MIPOL1: variants seen among roughly 807,000 people sequenced by gnomAD.
MIPOL1 encodes mirror-image polydactyly gene 1 protein.
Under a neutral mutation model 60.9 loss-of-function variants are expected in MIPOL1, and 57 were observed. The ratio of observed to expected loss-of-function variants is 0.94; its 90% CI spans 0.76 to 1.17. The LOEUF is 1.17. Among genes scored for constraint, MIPOL1 ranks in the 50% most tolerant of loss-of-function variants. MIPOL1 has a pLI of 0.00. For missense variants in MIPOL1, 551 were observed against 511.6 expected, an observed-to-expected ratio of 1.08 and a Z score of -0.74; for synonymous variants, 179 against 168.8, an observed-to-expected ratio of 1.06 and a Z score of -0.47.
chr14:37,418,551 AC>A (rs2093812288), intron 10 of MIPOL1, among the ~76,000 whole-genome samples: 1 of 152,094 alleles, frequency 6.6e-6, no homozygotes, highest in Non-Finnish European at 1.5e-5. Flanking sequence ...CCATTATGTC[AC>A]CTGGAATTAT....
intron 11 of MIPOL1, among the ~76,000 whole-genome samples, chr14:37,425,424 A>T (rs2093944646): frequency 6.6e-6 from 1 of 152,162 alleles, no homozygotes; most frequent in Non-Finnish European, 1.5e-5. Context: ...ATCTCTTCTA[A>T]ATAGAGATTA....
chr14:37,335,081 A>C (rs534770248), intron 9 of MIPOL1, among the ~76,000 whole-genome samples: 3 of 152,066 alleles, frequency 2.0e-5, no homozygotes, highest in African/African-American at 7.2e-5. Context: ...TTGAACTACC[A>C]AACTGTTTTC....
At chr14:37,442,088 T>TTGTG (rs3985271) in intron 11 of MIPOL1, among the ~76,000 whole-genome samples, 2,702 of 143,766 alleles carry the variant, frequency 0.019, 71 homozygotes, top group East Asian at 0.13. Context: ...TTCTACTTTG[T>TTGTG]TGTGTGTGTG....
chr14:37,392,398 GGACT>G (rs1436171190), intron 10 of MIPOL1, among the ~76,000 whole-genome samples: 1 of 152,048 alleles, frequency 6.6e-6, no homozygotes, highest in Non-Finnish European at 1.5e-5. Flanking sequence ...CAGCTTTGAT[GGACT>G]GACTTACTAG....
intron 7 of MIPOL1, among the ~76,000 whole-genome samples, chr14:37,298,939 CA>C (rs1346239801): frequency 1.3e-5 from 2 of 150,644 alleles, no homozygotes; most frequent in African/African-American, 4.9e-5. Flanking sequence ...CCAGCCATCC[CA>C]TTACTGGGTA....
At chr14:37,491,897 T>A (rs1190280016) in intron 11 of MIPOL1, among the ~76,000 whole-genome samples, 1 of 152,210 alleles carries the variant, frequency 6.6e-6, no homozygotes, top group Non-Finnish European at 1.5e-5. Context: ...CACACTCTTA[T>A]CCATTCTGAA....
At chr14:37,430,232 T>G (rs770802361) in intron 11 of MIPOL1, among the ~76,000 whole-genome samples, 19 of 152,194 alleles carry the variant, frequency 1.2e-4, no homozygotes, top group Admixed American at 1.2e-3. Context: ...GTAGACAAGT[T>G]TCAACTTTGC....
At chr14:37,419,117 G>A (rs1442284995) in intron 10 of MIPOL1, among the ~76,000 whole-genome samples, 1 of 152,048 alleles carries the variant, frequency 6.6e-6, no homozygotes, top group Non-Finnish European at 1.5e-5. Flanking sequence ...ACAGGTAAGT[G>A]GATGTACAGA....
At chr14:37,213,138 C>T (rs1403318207) in intron 1 of MIPOL1, among the ~76,000 whole-genome samples, 1 of 152,120 alleles carries the variant, frequency 6.6e-6, no homozygotes. Flanking sequence ...ACAATAAATA[C>T]CTAACTCTTC....
chr14:37,494,545 G>A (rs149297232), intron 11 of MIPOL1, among the ~76,000 whole-genome samples: 111 of 152,274 alleles, frequency 7.3e-4, no homozygotes, highest in Middle Eastern at 6.8e-3. Flanking sequence ...GAGGAAGGAG[G>A]TAGAGAGGTC....
intron 12 of MIPOL1, among the ~76,000 whole-genome samples, chr14:37,543,528 C>T (rs1183096841): frequency 2.0e-5 from 3 of 152,272 alleles, no homozygotes; most frequent in Non-Finnish European, 2.9e-5. Flanking sequence ...CTGCCCGTCT[C>T]GGCCTCCCAA....
chr14:37,472,636 T>C (rs1016598605), intron 11 of MIPOL1, among the ~76,000 whole-genome samples: 1 of 152,302 alleles, frequency 6.6e-6, no homozygotes, highest in African/African-American at 2.4e-5. Context: ...CCTTCAATAC[T>C]AGGCAGGAAT....
chr14:37,263,444 A>C (rs2082652503), intron 3 of MIPOL1, among the ~76,000 whole-genome samples: 1 of 152,150 alleles, frequency 6.6e-6, no homozygotes, highest in South Asian at 2.1e-4. Context: ...CCATAATATC[A>C]TTTTTCAGTT....
chr14:37,480,199 T>C (rs1396241704), intron 11 of MIPOL1, among the ~76,000 whole-genome samples: 1 of 152,118 alleles, frequency 6.6e-6, no homozygotes, highest in African/African-American at 2.4e-5. Context: ...TTCCAAACTC[T>C]TTTTGCAAGG....
chr14:37,286,574 T>A (rs1161984163), intron 7 of MIPOL1, among the ~76,000 whole-genome samples: 1 of 152,232 alleles, frequency 6.6e-6, no homozygotes, highest in Non-Finnish European at 1.5e-5. Flanking sequence ...CCTTGTCCAG[T>A]GTTGTCCTAG....
intron 11 of MIPOL1, among the ~76,000 whole-genome samples, chr14:37,449,084 C>T (rs571299863): frequency 6.6e-6 from 1 of 152,322 alleles, no homozygotes; most frequent in Non-Finnish European, 1.5e-5. Flanking sequence ...AGATCACATT[C>T]TTCCGTCACT....
At chr14:37,434,579 T>TA (rs202179697) in intron 11 of MIPOL1, 2,644 of 149,176 alleles carry the variant, frequency 0.018, 71 homozygotes, top group African/African-American at 0.054. Flanking sequence ...AGCACTAATT[T>TA]AAAAAAAAAA....
At chr14:37,201,376 C>T (rs570818875) in intron 1 of MIPOL1, among the ~76,000 whole-genome samples, 28 of 152,058 alleles carry the variant, frequency 1.8e-4, no homozygotes, top group African/African-American at 6.3e-4. Flanking sequence ...ATCTGAAGAA[C>T]AAAAGACAGG....
chr14:37,351,922 G>A (rs2091425291), intron 9 of MIPOL1, among the ~76,000 whole-genome samples: 1 of 151,292 alleles, frequency 6.6e-6, no homozygotes, highest in Admixed American at 6.6e-5. Flanking sequence ...GATCCCATTT[G>A]TCAATTTTGT....
Sources: gnomAD v4.1 joint callset for allele counts (sites outside exome capture counted in the v4.1 genomes callset) on GRCh38, gnomAD v4.1.1 for gene constraint, MANE v1.5 for transcripts, NCBI Gene and HGNC (gene_info 2026-07-23, HGNC 2026-07-21) for gene names.